The following UAP1 variants were observed in gnomAD, a reference collection of about 807,000 sequenced individuals.
The protein encoded by UAP1 is UDP-N-acetylhexosamine pyrophosphorylase.
In UAP1, 25 loss-of-function variants were observed where a neutral mutation model predicts 58.5. That is an observed-to-expected ratio of 0.43 (90% confidence interval 0.31 to 0.60). The LOEUF (loss-of-function observed/expected upper bound fraction) is 0.60, where lower values mean the gene tolerates loss of function less well. UAP1 is among the 20% of genes least tolerant of loss of function. UAP1 has a pLI of 0.11. For missense variants in UAP1, 575 were observed against 630.0 expected (o/e 0.91, Z 0.93); for synonymous variants, 208 against 213.0 (o/e 0.98, Z 0.21).
At chr1:162,599,503 A>G (rs987239357) in exon 11 of UAP1, 2 of 503,336 alleles carry the variant, frequency 4.0e-6, no homozygotes, top group African/African-American at 3.9e-5. Context: ...TCTTAGAGCT[A>G]TTGCAAACTT....
intron 3 of UAP1, among the ~76,000 whole-genome samples, chr1:162,577,850 T>C (rs1654301651): frequency 6.6e-6 from 1 of 152,078 alleles, no homozygotes; most frequent in African/African-American, 2.4e-5. Context: ...GACCTTGTGA[T>C]CTGCCCGTCT....
downstream of UAP1, among the ~76,000 whole-genome samples, chr1:162,600,645 ACT>A (rs1491150435): frequency 1.3e-5 from 2 of 149,846 alleles, no homozygotes; most frequent in Admixed American, 6.6e-5. Context: ...TTTAAGGATC[ACT>A]TTTTTTTTTT....
At chr1:162,563,698 C>T (rs1245290677) in intron 1 of UAP1, among the ~76,000 whole-genome samples, 1 of 152,162 alleles carries the variant, frequency 6.6e-6, no homozygotes, top group African/African-American at 2.4e-5. Context: ...TTCATTTTCC[C>T]AAGTGTCTGA....
intron 2 of UAP1, among the ~76,000 whole-genome samples, chr1:162,574,039 T>C (rs1271155316): frequency 6.6e-6 from 1 of 151,666 alleles, no homozygotes; most frequent in African/African-American, 2.4e-5. Context: ...AAAGGAAAAA[T>C]AGAGTCAGAA....
At chr1:162,591,776 A>G (rs528680220) in intron 8 of UAP1, among the ~76,000 whole-genome samples, 5 of 146,030 alleles carry the variant, frequency 3.4e-5, no homozygotes. Flanking sequence ...GTGAGCCGCC[A>G]TGTCTGGCCA....
At chr1:162,568,236 A>G (rs770558886) in intron 2 of UAP1, among the ~76,000 whole-genome samples, 20 of 152,328 alleles carry the variant, frequency 1.3e-4, no homozygotes, top group Middle Eastern at 3.4e-3. Context: ...AAGAAAGATT[A>G]CTGGCATTAT....
chr1:162,571,124 T>TTTTG (rs1257957088), intron 2 of UAP1, among the ~76,000 whole-genome samples: 2 of 151,782 alleles, frequency 1.3e-5, no homozygotes, highest in Non-Finnish European at 2.9e-5. Context: ...CTTCTGATTT[T>TTTTG]TTTGTTTGTT....
At chr1:162,571,958 C>T (rs1422171227) in intron 2 of UAP1, among the ~76,000 whole-genome samples, 1 of 152,204 alleles carries the variant, frequency 6.6e-6, no homozygotes, top group African/African-American at 2.4e-5. Flanking sequence ...TGCCTTTTCT[C>T]TTGTTTTTCA....
chr1:162,566,702 C>T (rs959627521), intron 2 of UAP1, among the ~76,000 whole-genome samples: 2 of 152,044 alleles, frequency 1.3e-5, no homozygotes, highest in Non-Finnish European at 2.9e-5. Flanking sequence ...TCTCTGCTTA[C>T]TGCAACCTCC....
At chr1:162,565,907 A>AT (rs1183901236) in intron 1 of UAP1, 105 bp from the exon 2 acceptor site, 5 of 730,240 alleles carry the variant, frequency 6.8e-6, no homozygotes, top group East Asian at 2.7e-5. Flanking sequence ...GCAGAAGTTA[A>AT]TTTTTTTAAC....
In UAP1 at chr1:162,590,926, T is replaced by A. The variant is rs547398910; in HGVS notation, c.1358+415T>A. On this transcript the variant is annotated intron_variant, in intron 8 of 10. Coordinates refer to ENST00000271469, the Ensembl canonical transcript of UAP1. Reference sequence around the variant, plus strand: ...CATATATCTGTGGCCTCACCACTATTTTTTTTTTTTTTTTTTGAGACAGAG... The same window carrying A: ...CATATATCTGTGGCCTCACCACTATATTTTTTTTTTTTTTTTGAGACAGAG... Among the ~76,000 whole-genome samples the A allele has an allele frequency of 2.8e-3, 386 of 139,150 alleles. 1 individual carries two copies. Among genetic ancestry groups the A allele is most frequent in the African/African-American group, 0.011 (379 of 35,822 alleles). The allele number at this position is 139,150 out of a possible 152,430, so 91.3% of individuals were successfully genotyped here. A position where few individuals can be genotyped will look rare whatever the true frequency, so the allele number is the denominator to read the frequency against.
At chr1:162,562,085 T>C (rs1348832455) in intron 1 of UAP1, among the ~76,000 whole-genome samples, 1 of 151,942 alleles carries the variant, frequency 6.6e-6, no homozygotes, top group Non-Finnish European at 1.5e-5. Flanking sequence ...CTGGGGGCGT[T>C]GTGGGAGGAG....
At chr1:162,571,190 A>G (rs947262884) in intron 2 of UAP1, among the ~76,000 whole-genome samples, 5 of 150,082 alleles carry the variant, frequency 3.3e-5, no homozygotes, top group African/African-American at 1.2e-4. Context: ...GTGCAATGGC[A>G]TGATCTCGGC....
intron 5 of UAP1, among the ~76,000 whole-genome samples, chr1:162,586,752 A>G (rs1654927295): frequency 6.6e-6 from 1 of 152,186 alleles, no homozygotes. Context: ...ATTTTAGTAT[A>G]CCCTCTTTTC....
chr1:162,590,246 G>A (rs1264362003), intron 7 of UAP1, 77 bp from the exon 8 acceptor site: 2 of 1,211,600 alleles, frequency 1.7e-6, no homozygotes, highest in African/African-American at 1.5e-5. Context: ...TGAGACCAAA[G>A]CCTTAGCTAT....
intron 5 of UAP1, among the ~76,000 whole-genome samples, chr1:162,585,285 C>CT (rs967380734): frequency 6.7e-6 from 1 of 149,188 alleles, no homozygotes; most frequent in Non-Finnish European, 1.5e-5. Flanking sequence ...AGATAAGAGT[C>CT]TTTCTCTTGT....
At chr1:162,583,910 G>A (rs1269098422) in intron 5 of UAP1, among the ~76,000 whole-genome samples, 2 of 152,158 alleles carry the variant, frequency 1.3e-5, no homozygotes, top group African/African-American at 4.8e-5. Flanking sequence ...AAAGTGCTGG[G>A]ATTACAGGCG....
intron 1 of UAP1, among the ~76,000 whole-genome samples, chr1:162,564,576 A>G (rs1353430106): frequency 6.6e-6 from 1 of 152,064 alleles, no homozygotes; most frequent in East Asian, 1.9e-4. Flanking sequence ...GGTATTTCAT[A>G]CCTGCAGTTG....
intron 2 of UAP1, among the ~76,000 whole-genome samples, chr1:162,566,815 T>C (rs1415762617): frequency 6.6e-6 from 1 of 152,060 alleles, no homozygotes; most frequent in Admixed American, 6.6e-5. Context: ...TTAGTATAGA[T>C]AGGGTTTCGC....
Sources: gnomAD v4.1 joint callset for allele counts (sites outside exome capture counted in the v4.1 genomes callset) on GRCh38, gnomAD v4.1.1 for gene constraint, MANE v1.5 for transcripts, NCBI Gene and HGNC (gene_info 2026-07-23, HGNC 2026-07-21) for gene names.